Variants in WASF2 observed in about 807,000 individuals in gnomAD.
The protein encoded by WASF2 is actin-binding protein WASF2.
WASF2 carries 14 observed loss-of-function variants against 45.0 expected under a neutral mutation model. The observed-to-expected ratio is 0.31, with a 90% CI of 0.21 to 0.49. The LOEUF is 0.49. Among genes scored for constraint, WASF2 ranks in the 20% least tolerant of loss-of-function variants. The pLI is 0.99. For synonymous variants in WASF2, 200 were observed against 236.3 expected (o/e 0.85, Z 1.41); for missense variants, 439 against 636.1 (o/e 0.69, Z 3.33).
rs1407554707 is a variant in WASF2 at position 27,410,061 on chromosome 1, G to A, written c.970C>T (p.Pro324Ser). 2.5e-6 allele frequency: 4 copies of A among 1,613,088 alleles called. No individual in the cohort carries two copies. The highest frequency in any genetic ancestry group is 3.4e-6 in the Non-Finnish European group (4 of 1,179,560). Residue 324 changes from proline (P) to serine (S), a missense_variant, in exon 8 of 9, where the codon CCA becomes TCA. Transcript: ENST00000618852. The surrounding 1 kb of genome is among the most constrained non-coding windows in gnomAD (Gnocchi z 4.2). ...ATGCCTATCATTGGAGGCGGAGGTG[G>A]CGGAGGGGCAGGTGGTGGAGCAAAC... is the stretch of plus-strand genomic sequence containing the variant. ...PGFAPPPAPP[P>S]PPPPMIGIPP... is the part of the protein sequence containing the mutation.
intron 1 of WASF2, among the ~76,000 whole-genome samples, chr1:27,456,766 A>G (rs2017473305): frequency 7.1e-6 from 1 of 141,538 alleles, no homozygotes; most frequent in East Asian, 2.0e-4. Context: ...ACAGAGTCTC[A>G]TTCTGTCACC....
chr1:27,421,001 C>T (rs943139770), intron 2 of WASF2, among the ~76,000 whole-genome samples: 1 of 152,224 alleles, frequency 6.6e-6, no homozygotes, highest in African/African-American at 2.4e-5. Flanking sequence ...ACCACACCTT[C>T]AGGGTGAACT....
chr1:27,408,121 T>C lies in WASF2; in HGVS notation c.*68A>G. 15 of 1,558,554 alleles carry C rather than the reference T, an allele frequency of 9.6e-6. No homozygotes were observed. The highest frequency in any genetic ancestry group is 1.2e-5 in the Non-Finnish European group (14 of 1,141,538). On this transcript the variant is annotated 3_prime_UTR_variant, in exon 9 of 9. Coordinates refer to ENST00000618852, the MANE Select transcript of WASF2 (RefSeq NM_006990.5). ...TCCCTTTTCTCCCCCTACGGGTCTGTTGGGGTTGGCATCAAAGAAGGCAGG... is the reference window on the plus strand; with the variant it reads ...TCCCTTTTCTCCCCCTACGGGTCTGCTGGGGTTGGCATCAAAGAAGGCAGG...
At chr1:27,489,427 G>A (rs2017997560) in intron 1 of WASF2, among the ~76,000 whole-genome samples, 1 of 105,560 alleles carries the variant, frequency 9.5e-6, no homozygotes, top group Admixed American at 1.1e-4. Flanking sequence ...GGGCCTCAAC[G>A]AGCACCTCAA....
intron 2 of WASF2, among the ~76,000 whole-genome samples, chr1:27,425,406 A>T (rs1185473945): frequency 6.6e-6 from 1 of 152,126 alleles, no homozygotes; most frequent in East Asian, 1.9e-4. Flanking sequence ...CCATTTTAAA[A>T]GACTGTAAAA....
chr1:27,415,106 G>C, intron 5 of WASF2, 143 bp from the exon 6 acceptor site: 1 of 1,139,534 alleles, frequency 8.8e-7, no homozygotes, highest in Non-Finnish European at 1.2e-6. Flanking sequence ...AGAATTACTG[G>C]GTTTGAAGTG....
At chr1:27,409,208 A>G (rs1451496753) in intron 8 of WASF2, among the ~76,000 whole-genome samples, 1 of 151,886 alleles carries the variant, frequency 6.6e-6, no homozygotes, top group East Asian at 1.9e-4. Flanking sequence ...GCGGATCACA[A>G]GGTCAGGAGA....
chr1:27,418,552 T>TC lies in WASF2; in HGVS notation c.266-131dup, dbSNP rs1179517876. 26 of 1,268,808 alleles carry TC rather than the reference T, an allele frequency of 2.0e-5. No homozygotes were observed. In the Middle Eastern group the frequency reaches 5.9e-4, roughly 29 times the overall value. The allele number at this position is 1,268,808 out of a possible 1,614,324, so 78.6% of individuals were successfully genotyped here. A position where few individuals can be genotyped will look rare whatever the true frequency, so the allele number is the denominator to read the frequency against. Reference sequence around the variant, plus strand: ...GCTGTCCGCAGCCAGGCTTTTTTTTTCCCTCCCCCTCTGGGGAAGCCCCAC... The same window carrying TC: ...GCTGTCCGCAGCCAGGCTTTTTTTTTCCCCTCCCCCTCTGGGGAAGCCCCAC... On this transcript the variant is annotated intron_variant, in intron 3 of 8. Transcript: ENST00000618852.
chr1:27,488,695 G>C (rs1290042855), intron 1 of WASF2, among the ~76,000 whole-genome samples: 1 of 152,190 alleles, frequency 6.6e-6, no homozygotes, highest in African/African-American at 2.4e-5. Context: ...GATCAAGACT[G>C]TCCCCATGCC....
chr1:27,473,455 C>CAAAAAAAAAAAAAAA (rs752426888), intron 1 of WASF2, among the ~76,000 whole-genome samples: 3 of 49,748 alleles, frequency 6.0e-5, no homozygotes, highest in Non-Finnish European at 1.3e-4. Flanking sequence ...ACTCCATGGC[C>CAAAAAAAAAAAAAAA]AAAAAAAAAA....
rs2016644503 is a variant in WASF2, at chr1:27,404,978, A to C, written c.*3211T>G. 1 of 153,710 alleles carries C rather than the reference A, an allele frequency of 6.5e-6. No homozygotes were observed. Among genetic ancestry groups the C allele is most frequent in the Non-Finnish European group, 1.5e-5 (1 of 68,448 alleles). 9.5% of individuals were successfully genotyped at this position (153,710 alleles called of 1,614,324 possible). On this transcript the variant is annotated 3_prime_UTR_variant, in exon 9 of 9. Transcript: ENST00000618852. The stretch of plus-strand genomic sequence containing the variant: ...TGGAGCACTGGCTCCCTCCCTCCCC[A>C]TACCCTGAAGTCAGGTGAGGGGCCG...
At chr1:27,443,704 G>C (rs2017275660) in intron 1 of WASF2, among the ~76,000 whole-genome samples, 1 of 152,148 alleles carries the variant, frequency 6.6e-6, no homozygotes, top group Non-Finnish European at 1.5e-5. Context: ...CTAGCTATAT[G>C]ACCTTAGGGT....
chr1:27,415,885 G>T, intron 5 of WASF2, 100 bp downstream of exon 5: 1 of 969,252 alleles, frequency 1.0e-6, no homozygotes, highest in Non-Finnish European at 1.6e-6. Flanking sequence ...CAAGCAAGCA[G>T]CCACTTGAAA....
At position 27,420,504 on chromosome 1, in the gene WASF2, A is replaced by G. The variant is rs2016891210; in HGVS notation, c.131-1416T>C. ...AAAAGTGGTGCATACAAATAAATATACCATCTGAGCTTTTTTTTTTTTTTT... is the reference window on the plus strand; with the variant it reads ...AAAAGTGGTGCATACAAATAAATATGCCATCTGAGCTTTTTTTTTTTTTTT... On this transcript the variant is annotated intron_variant, in intron 2 of 8. Coordinates refer to ENST00000618852, the MANE Select transcript of WASF2 (RefSeq NM_006990.5). 3.6e-5 allele frequency among the ~76,000 whole-genome samples: 5 copies of G among 137,908 alleles called. No individual in the cohort carries two copies. The South Asian group carries it at 1.2e-3, about 32-fold the overall frequency. The allele number at this position is 137,908 out of a possible 152,430, so 90.5% of individuals were successfully genotyped here.
chr1:27,432,917 C>A (rs1232499846), intron 1 of WASF2, among the ~76,000 whole-genome samples: 1 of 151,996 alleles, frequency 6.6e-6, no homozygotes, highest in Non-Finnish European at 1.5e-5. Flanking sequence ...GCACATGCCA[C>A]CATGCCTGGC....
intron 2 of WASF2, among the ~76,000 whole-genome samples, chr1:27,420,720 A>C (rs754746709): frequency 4.6e-5 from 7 of 151,580 alleles, no homozygotes; most frequent in African/African-American, 1.2e-4. Flanking sequence ...ACGGGGTTTC[A>C]TCATGTTGGC....
At chr1:27,428,691 G>A (rs2017019929) in intron 2 of WASF2, 70 bp downstream of exon 2, 1 of 1,609,546 alleles carries the variant, frequency 6.2e-7, no homozygotes, top group African/African-American at 1.3e-5. Context: ...GAACGCGGGA[G>A]GAGAAGGAAA....
chr1:27,437,694 C>G (rs531477926), intron 1 of WASF2, among the ~76,000 whole-genome samples: 2 of 152,090 alleles, frequency 1.3e-5, no homozygotes, highest in East Asian at 3.9e-4. Context: ...CTTCAAACTA[C>G]CCATCTAAAT....
intron 2 of WASF2, among the ~76,000 whole-genome samples, chr1:27,420,852 G>A (rs895944684): frequency 6.6e-6 from 1 of 152,048 alleles, no homozygotes; most frequent in Non-Finnish European, 1.5e-5. Context: ...CAAGGTGAAG[G>A]CACGCATAAG....
Sources: gnomAD v4.1 joint callset for allele counts (sites outside exome capture counted in the v4.1 genomes callset) on GRCh38, gnomAD v4.1.1 for gene constraint, Gnocchi (gnomAD v3.1) non-coding constraint, MANE v1.5 for transcripts, NCBI Gene and HGNC (gene_info 2026-07-23, HGNC 2026-07-21) for gene names.